CLYBL: variants seen among roughly 807,000 people sequenced by gnomAD.
CLYBL encodes the protein citramalyl-CoA lyase, mitochondrial.
In CLYBL, 31 loss-of-function variants were observed where a neutral mutation model predicts 38.9. The observed-to-expected ratio is 0.80, with a 90% CI of 0.60 to 1.08. The LOEUF (loss-of-function observed/expected upper bound fraction) is 1.08, where lower values mean the gene tolerates loss of function less well. CLYBL is among the 50% of genes least tolerant of loss of function. The probability of loss-of-function intolerance (pLI) is 0.00; values close to 1 mark genes in which losing one functional copy is unlikely to be tolerated. For synonymous variants in CLYBL, 171 were observed against 158.6 expected, an observed-to-expected ratio of 1.08 and a Z score of -0.59; for missense variants, 434 against 411.6, an observed-to-expected ratio of 1.05 and a Z score of -0.47.
intron 8 of CLYBL, among the ~76,000 whole-genome samples, chr13:99,903,941 A>G (rs946513486): frequency 3.3e-5 from 5 of 152,088 alleles, no homozygotes; most frequent in African/African-American, 4.8e-5. Context: ...GCTACTCAGG[A>G]GGCTGATGCG....
chr13:99,683,227 GC>G (rs541164896), intron 1 of CLYBL, among the ~76,000 whole-genome samples: 6 of 148,318 alleles, frequency 4.0e-5, no homozygotes, highest in South Asian at 4.7e-4. Flanking sequence ...GCTTGCAGGT[GC>G]CCCCCCCTAC....
intron 1 of CLYBL, among the ~76,000 whole-genome samples, chr13:99,609,377 A>G (rs558014343): frequency 6.6e-6 from 1 of 151,760 alleles, no homozygotes; most frequent in African/African-American, 2.4e-5. Flanking sequence ...GGGTTTCACC[A>G]TGTTGGCCAG....
At chr13:99,621,448 G>A (rs2046795369) in intron 1 of CLYBL, among the ~76,000 whole-genome samples, 1 of 152,052 alleles carries the variant, frequency 6.6e-6, no homozygotes, top group Admixed American at 6.5e-5. Flanking sequence ...TAACCTCTCC[G>A]CTGACTTTTG....
intron 1 of CLYBL, among the ~76,000 whole-genome samples, chr13:99,628,489 A>G (rs369101631): frequency 6.6e-6 from 1 of 152,240 alleles, no homozygotes. Context: ...ACATGGCCTC[A>G]TCCTTTCCCT....
intron 2 of CLYBL, among the ~76,000 whole-genome samples, chr13:99,790,548 G>A (rs191586247): frequency 3.3e-5 from 5 of 152,324 alleles, no homozygotes; most frequent in African/African-American, 4.8e-5. Flanking sequence ...ATTCTGGCTT[G>A]TAGAGTTACT....
At chr13:99,777,589 T>G (rs1043708288) in intron 2 of CLYBL, among the ~76,000 whole-genome samples, 3 of 151,656 alleles carry the variant, frequency 2.0e-5, no homozygotes, top group Non-Finnish European at 2.9e-5. Flanking sequence ...GCCTCTCGGG[T>G]TCAAGAGATT....
intron 1 of CLYBL, among the ~76,000 whole-genome samples, chr13:99,744,243 A>G (rs1485419713): frequency 6.6e-6 from 1 of 152,004 alleles, no homozygotes; most frequent in Non-Finnish European, 1.5e-5. Flanking sequence ...AAGTGCTGGG[A>G]TTACAGGCGT....
At chr13:99,666,635 G>A (rs1194035135) in intron 1 of CLYBL, among the ~76,000 whole-genome samples, 1 of 152,128 alleles carries the variant, frequency 6.6e-6, no homozygotes, top group African/African-American at 2.4e-5. Context: ...AGAGTGGCTT[G>A]GAATTGCTTT....
At chr13:99,754,590 GTT>G in intron 1 of CLYBL, among the ~76,000 whole-genome samples, 1 of 142,592 alleles carries the variant, frequency 7.0e-6, no homozygotes, top group Admixed American at 7.0e-5. Context: ...TGTTGTTGTT[GTT>G]TTTTTTTTTG....
chr13:99,891,356 A>G lies in CLYBL; in HGVS notation c.966A>G (p.Pro322=). 1 of 1,613,984 alleles carries G rather than the reference A, an allele frequency of 6.2e-7. No homozygotes were observed. The highest frequency in any genetic ancestry group is 1.7e-5 in the Admixed American group (1 of 60,016). Residue 322 remains proline (P), a synonymous_variant, in exon 8 of 9, where the codon CCA becomes CCG. Coordinates refer to ENST00000339105, the MANE Select transcript of CLYBL (RefSeq NM_206808.5). The stretch of plus-strand genomic sequence containing the variant: ...TCCAAGGGAGTATGATCGACATGCC[A>G]TTACTGAAGCAGGCCCAGAACACTG... The part of the protein sequence containing the change: ...FTFQGSMIDM[P]LLKQAQNTVT...
Position 99,740,843 on chromosome 13 carries a change from G to A in CLYBL, c.63-31981G>A, listed in dbSNP as rs553697295. On this transcript the variant is annotated intron_variant, in intron 1 of 8. Transcript: ENST00000339105. ...AGCTGGATCAATGGCAGGAATTGAA[G>A]GACCCAGTTGTGGGGCTGCTCCTGG... is the stretch of plus-strand genomic sequence containing the variant. 1.1e-4 allele frequency among the ~76,000 whole-genome samples: 17 copies of A among 152,308 alleles called. No homozygotes were observed. The South Asian group carries it at 3.3e-3, about 30-fold the overall frequency.
At chr13:99,699,687 C>T (rs963567779) in intron 1 of CLYBL, among the ~76,000 whole-genome samples, 4 of 143,466 alleles carry the variant, frequency 2.8e-5, no homozygotes, top group South Asian at 2.3e-4. Flanking sequence ...ACCAAGACTC[C>T]GTCTCAAAAA....
intron 3 of CLYBL, 115 bp downstream of exon 3, chr13:99,859,164 G>T: frequency 1.4e-6 from 1 of 697,194 alleles, no homozygotes; most frequent in South Asian, 2.7e-5. Context: ...GAGAGGAAGG[G>T]AATTGAGAAA....
chr13:99,787,942 T>G, intron 2 of CLYBL, among the ~76,000 whole-genome samples: 1 of 152,238 alleles, frequency 6.6e-6, no homozygotes, highest in East Asian at 1.9e-4. Flanking sequence ...TTCCTAGGTA[T>G]TTTACTCTCT....
chr13:99,675,239 A>G (rs1038456915), intron 1 of CLYBL, among the ~76,000 whole-genome samples: 2 of 152,178 alleles, frequency 1.3e-5, no homozygotes, highest in South Asian at 2.1e-4. Context: ...TGCATCTTCT[A>G]CTGTCACATA....
At chr13:99,880,896 T>C (rs541811003) in intron 7 of CLYBL, among the ~76,000 whole-genome samples, 47 of 152,302 alleles carry the variant, frequency 3.1e-4, no homozygotes, top group African/African-American at 1.1e-3. Flanking sequence ...GGAAAATGAA[T>C]CCACTAACTG....
chr13:99,646,679 A>AT (rs1176000168), intron 1 of CLYBL, among the ~76,000 whole-genome samples: 20,646 of 128,758 alleles, frequency 0.16, 2,218 homozygotes, highest in African/African-American at 0.31. Flanking sequence ...CACCTGGCTA[A>AT]TTTTTTTTTT....
chr13:99,743,823 T>C (rs977356282), intron 1 of CLYBL, among the ~76,000 whole-genome samples: 4 of 152,216 alleles, frequency 2.6e-5, no homozygotes, highest in Non-Finnish European at 5.9e-5. Context: ...AATTACAATA[T>C]TGGTATTTTG....
intron 1 of CLYBL, among the ~76,000 whole-genome samples, chr13:99,711,940 C>T (rs144665751): frequency 0.014 from 2,096 of 152,128 alleles, 40 homozygotes; most frequent in African/African-American, 0.047. Context: ...TGGTCTAGAA[C>T]TCCTGACCTC....
Sources: allele counts gnomAD v4.1 joint callset (sites outside exome capture counted in the v4.1 genomes callset), GRCh38; gene constraint gnomAD v4.1.1; transcripts MANE v1.5; gene names NCBI Gene and HGNC (gene_info 2026-07-23, HGNC 2026-07-21).